LHFPL3: variants seen among roughly 807,000 people sequenced by gnomAD.
LHFPL3 encodes LHFPL tetraspan subfamily member 3 protein.
Under a neutral mutation model 19.3 loss-of-function variants are expected in LHFPL3, and 5 were observed. The observed-to-expected ratio is 0.26, with a 90% CI of 0.14 to 0.54. The LOEUF (loss-of-function observed/expected upper bound fraction) is 0.54, where lower values mean the gene tolerates loss of function less well. Among genes scored for constraint, LHFPL3 ranks in the 20% least tolerant of loss-of-function variants. The pLI, the probability that LHFPL3 is intolerant of heterozygous loss-of-function variation, is 0.94. For synonymous variants in LHFPL3, 133 were observed against 126.2 expected (o/e 1.05, Z -0.36); for missense variants, 249 against 307.4 (o/e 0.81, Z 1.42).
chr7:104,771,512 CCAGTTCTA>C (rs1271034999), intron 2 of LHFPL3, among the ~76,000 whole-genome samples: 7 of 151,984 alleles, frequency 4.6e-5, no homozygotes, highest in African/African-American at 1.7e-4. Context: ...GCCATATTCT[CCAGTTCTA>C]CAGGTTTTTG....
intron 2 of LHFPL3, among the ~76,000 whole-genome samples, chr7:104,871,081 C>G (rs564169231): frequency 6.6e-6 from 1 of 152,320 alleles, no homozygotes; most frequent in African/African-American, 2.4e-5. Context: ...AGTTATGTGT[C>G]ACTTAACAGG....
Position 104,328,729 on chromosome 7 carries a change from G to C in LHFPL3, c.-51G>C. ...GTGTGTCTCCTGCGCGCTGAGAGGC[G>C]GGGGGAGGCGGAGGACCAGGAGGAG... is the stretch of plus-strand genomic sequence containing the variant. On this transcript the variant is annotated 5_prime_UTR_variant, in exon 1 of 3. Coordinates refer to ENST00000424859, the MANE Select transcript of LHFPL3 (RefSeq NM_199000.3). The surrounding 1 kb of genome is among the most constrained non-coding windows in gnomAD (Gnocchi z 4.6). The C allele has an allele frequency of 6.8e-6, 10 of 1,470,944 alleles. No homozygotes were observed. In the South Asian group the frequency reaches 1.0e-4, roughly 15 times the overall value. The allele number at this position is 1,470,944 out of a possible 1,614,324, so 91.1% of individuals were successfully genotyped here.
At chr7:104,775,031 G>A (rs1171059314) in intron 2 of LHFPL3, among the ~76,000 whole-genome samples, 2 of 152,162 alleles carry the variant, frequency 1.3e-5, no homozygotes, top group East Asian at 1.9e-4. Context: ...TTGTCAATAC[G>A]TGCCAGAGTT....
At chr7:104,639,044 C>G (rs566062820) in intron 1 of LHFPL3, among the ~76,000 whole-genome samples, 1 of 151,988 alleles carries the variant, frequency 6.6e-6, no homozygotes, top group Non-Finnish European at 1.5e-5. Context: ...GGATTACAGG[C>G]CCACCATGCC....
rs34294836 is a variant in LHFPL3 at position 104,639,101 on chromosome 7, A to AT, written c.446-97567dup. Among the ~76,000 whole-genome samples, 681 of 152,146 alleles carry AT rather than the reference A, an allele frequency of 4.5e-3. 41 individuals are homozygous for AT. The East Asian group carries it at 0.11, about 24-fold the overall frequency. On this transcript the variant is annotated intron_variant, in intron 1 of 2. Coordinates refer to ENST00000424859, the MANE Select transcript of LHFPL3 (RefSeq NM_199000.3). ...ATGCTGCTGGATTTGGTTTGCAGGAATTTTTTTGAGAATTTTTACATCAAT... is the reference window on the plus strand; with the variant it reads ...ATGCTGCTGGATTTGGTTTGCAGGAATTTTTTTTGAGAATTTTTACATCAAT...
rs185951754 is a variant in LHFPL3, at chr7:104,539,970, C to G, written c.446-196705C>G. 6.2e-4 allele frequency among the ~76,000 whole-genome samples: 95 copies of G among 152,070 alleles called. 3 individuals carry two copies. Among genetic ancestry groups the G allele is most frequent in the Admixed American group, 4.9e-3 (75 of 15,264 alleles). On this transcript the variant is annotated intron_variant, in intron 1 of 2. Coordinates refer to ENST00000424859, the MANE Select transcript of LHFPL3 (RefSeq NM_199000.3). ...TTCCTGATGCACGAAATGCAGAAGT[C>G]TGGAAGGCAGAGTGTTATAGGAATG... is the stretch of plus-strand genomic sequence containing the variant.
chr7:104,508,880 TAG>T (rs1363214536), intron 1 of LHFPL3, among the ~76,000 whole-genome samples: 6 of 150,964 alleles, frequency 4.0e-5, no homozygotes, highest in African/African-American at 1.5e-4. Flanking sequence ...ATGACAAAAG[TAG>T]AGAGGAGAAA....
chr7:104,902,989 C>A (rs557215579), intron 2 of LHFPL3, among the ~76,000 whole-genome samples: 3 of 152,180 alleles, frequency 2.0e-5, no homozygotes, highest in East Asian at 3.9e-4. Flanking sequence ...GTTCCCGGAA[C>A]CTTCCTGTAA....
chr7:104,881,402 T>C (rs752083960), intron 2 of LHFPL3, among the ~76,000 whole-genome samples: 1 of 152,178 alleles, frequency 6.6e-6, no homozygotes, highest in Non-Finnish European at 1.5e-5. Context: ...ACTCCAGCCT[T>C]CAAGGATGAC....
At chr7:104,556,580 C>T (rs977939452) in intron 1 of LHFPL3, among the ~76,000 whole-genome samples, 3 of 152,328 alleles carry the variant, frequency 2.0e-5, no homozygotes, top group Admixed American at 6.5e-5. Flanking sequence ...ACCATTTTTC[C>T]TCCTAAACCT....
intron 2 of LHFPL3, among the ~76,000 whole-genome samples, chr7:104,901,541 C>A (rs1272574768): frequency 2.1e-5 from 3 of 146,148 alleles, no homozygotes; most frequent in African/African-American, 7.7e-5. Flanking sequence ...AAGCTAGGTA[C>A]CTAGGGGGCA....
chr7:104,344,657 C>T (rs920084021), intron 1 of LHFPL3, among the ~76,000 whole-genome samples: 1 of 152,132 alleles, frequency 6.6e-6, no homozygotes, highest in Non-Finnish European at 1.5e-5. Context: ...TTTTCTTTAG[C>T]CACACATTAA....
At chr7:104,867,813 G>C (rs1791757064) in intron 2 of LHFPL3, among the ~76,000 whole-genome samples, 1 of 152,088 alleles carries the variant, frequency 6.6e-6, no homozygotes, top group Admixed American at 6.6e-5. Flanking sequence ...GATGAACATC[G>C]ATGAAAAAAT....
intron 1 of LHFPL3, among the ~76,000 whole-genome samples, chr7:104,567,838 T>TG (rs750290800): frequency 6.6e-6 from 1 of 152,220 alleles, no homozygotes; most frequent in Non-Finnish European, 1.5e-5. Flanking sequence ...CTAATGGTCA[T>TG]GCCGCCTGCA....
chr7:104,533,915 T>G (rs1794349262), intron 1 of LHFPL3, among the ~76,000 whole-genome samples: 1 of 152,222 alleles, frequency 6.6e-6, no homozygotes, highest in Non-Finnish European at 1.5e-5. Context: ...GCTAACTTTT[T>G]AGGCTTCCCT....
intron 1 of LHFPL3, chr7:104,667,676 G>A: frequency 9.2e-7 from 1 of 1,082,122 alleles, no homozygotes; most frequent in East Asian, 2.5e-5. Context: ...AAGTTAACAT[G>A]CCATTATACA....
At chr7:104,373,412 T>C (rs754696220) in intron 1 of LHFPL3, among the ~76,000 whole-genome samples, 20 of 152,214 alleles carry the variant, frequency 1.3e-4, no homozygotes, top group Non-Finnish European at 2.6e-4. Context: ...TTAAATATTT[T>C]TAAAGTTATT....
chr7:104,558,929 A>G (rs1405190842), intron 1 of LHFPL3, among the ~76,000 whole-genome samples: 1 of 147,154 alleles, frequency 6.8e-6, no homozygotes, highest in Non-Finnish European at 1.5e-5. Flanking sequence ...CCATTTATTA[A>G]ATAGGGAATC....
At chr7:104,357,091 A>G (rs1301048924) in intron 1 of LHFPL3, among the ~76,000 whole-genome samples, 6 of 152,232 alleles carry the variant, frequency 3.9e-5, no homozygotes, top group South Asian at 2.1e-4. Context: ...TAGGATTTTC[A>G]TAGGTAAAGA....
Sources: allele counts gnomAD v4.1 joint callset (sites outside exome capture counted in the v4.1 genomes callset), GRCh38; gene constraint gnomAD v4.1.1; non-coding constraint Gnocchi (gnomAD v3.1); transcripts MANE v1.5; gene names NCBI Gene and HGNC (gene_info 2026-07-23, HGNC 2026-07-21).